KDM2A: variants seen among roughly 807,000 people sequenced by gnomAD.
The protein encoded by KDM2A is lysine demethylase 2A.
In KDM2A, 3 loss-of-function variants were observed where a neutral mutation model predicts 137.3. The observed-to-expected ratio is 0.02, with a 90% CI of 0.01 to 0.06. KDM2A has a LOEUF of 0.06. Among genes scored for constraint, KDM2A ranks in the 10% least tolerant of loss-of-function variants. The probability of loss-of-function intolerance (pLI) is 1.00; values close to 1 mark genes in which losing one functional copy is unlikely to be tolerated. For missense variants in KDM2A, 738 were observed against 1,510.6 expected, an observed-to-expected ratio of 0.49 and a Z score of 8.48; for synonymous variants, 512 against 541.5, an observed-to-expected ratio of 0.95 and a Z score of 0.76.
intron 9 of KDM2A, among the ~76,000 whole-genome samples, chr11:67,218,370 C>T (rs543747021): frequency 1.3e-5 from 2 of 152,288 alleles, no homozygotes; most frequent in African/African-American, 2.4e-5. Flanking sequence ...CTAGATACTA[C>T]GCTTAGAGCA....
chr11:67,224,161 C>T (rs556022285), intron 10 of KDM2A, among the ~76,000 whole-genome samples: 52 of 152,264 alleles, frequency 3.4e-4, no homozygotes, highest in African/African-American at 1.1e-3. Flanking sequence ...TCCAGTTCTC[C>T]GTGATTCAGG....
intron 11 of KDM2A, among the ~76,000 whole-genome samples, chr11:67,231,206 T>C (rs910879964): frequency 9.9e-5 from 15 of 152,158 alleles, no homozygotes; most frequent in Admixed American, 3.9e-4. Context: ...TAGTGTCTTC[T>C]CTTTTAAAAG....
Position 67,248,278 on chromosome 11 carries a change from T to C in KDM2A, c.1966-3T>C, listed in dbSNP as rs1158771595. On this transcript the variant is annotated splice_region_variant and splice_polypyrimidine_tract_variant and intron_variant, in intron 15 of 20. Transcript: ENST00000529006. ...TTTTAAAAACATCTCTGTCTTCCTA[T>C]AGATGGACGGAGAGGGGTTGCTTAA... 6.3e-7 allele frequency: 1 copy of C among 1,599,834 alleles called. No individual in the cohort carries two copies. Among genetic ancestry groups the C allele is most frequent in the Admixed American group, 1.7e-5 (1 of 58,374 alleles).
intron 7 of KDM2A, 166 bp downstream of exon 7, chr11:67,215,612 A>G: frequency 3.2e-6 from 2 of 621,996 alleles, no homozygotes; most frequent in South Asian, 2.0e-5. Context: ...GTATGTGAGC[A>G]TACCATAGCA....
chr11:67,123,515 T>A (rs1040312972), intron 2 of KDM2A, among the ~76,000 whole-genome samples: 1 of 152,118 alleles, frequency 6.6e-6, no homozygotes, highest in African/African-American at 2.4e-5. Context: ...AATTTAACTT[T>A]TCTTTGGGAA....
chr11:67,213,797 T>G (rs993479797), intron 6 of KDM2A, among the ~76,000 whole-genome samples: 1 of 152,100 alleles, frequency 6.6e-6, no homozygotes, highest in Non-Finnish European at 1.5e-5. Flanking sequence ...TCACATTATT[T>G]CAGATTTTAA....
intron 11 of KDM2A, among the ~76,000 whole-genome samples, chr11:67,229,986 C>T (rs1858662194): frequency 6.6e-6 from 1 of 151,988 alleles, no homozygotes; most frequent in Admixed American, 6.6e-5. Context: ...ACCATCCTGG[C>T]TAACATGGTG....
At chr11:67,154,613 T>A (rs1002719904) in intron 2 of KDM2A, among the ~76,000 whole-genome samples, 2 of 152,050 alleles carry the variant, frequency 1.3e-5, no homozygotes, top group African/African-American at 4.8e-5. Context: ...TTCTTTTTTT[T>A]TTTTAGGTAG....
Position 67,250,856 on chromosome 11 carries a change from C to T in KDM2A, c.2768+58C>T. On this transcript the variant is annotated intron_variant, in intron 17 of 20. Transcript: ENST00000529006. The surrounding 1 kb of genome is among the most constrained non-coding windows in gnomAD (Gnocchi z 7.1). ...GGTATGGGAGTAGGTGGCAGGTTTT[C>T]CATATGAGAACAGCATGCACCTTGG... is the stretch of plus-strand genomic sequence containing the variant. The T allele has an allele frequency of 7.7e-7, 1 of 1,304,810 alleles. No individual in the cohort carries two copies. Among genetic ancestry groups the T allele is most frequent in the Middle Eastern group, 2.1e-4 (1 of 4,686 alleles). 80.8% of individuals were successfully genotyped at this position (1,304,810 alleles called of 1,614,324 possible). A position where few individuals can be genotyped will look rare whatever the true frequency, so the allele number is the denominator to read the frequency against.
rs568890688 is a variant in KDM2A, at chr11:67,182,522, GAA to G, written c.307+631_307+632del. Among the ~76,000 whole-genome samples the G allele has an allele frequency of 3.8e-4, 54 of 141,648 alleles. No homozygotes were observed. In the South Asian group the frequency reaches 7.3e-3, roughly 19 times the overall value. 92.9% of individuals were successfully genotyped at this position (141,648 alleles called of 152,430 possible). Reference sequence around the variant, plus strand: ...GAGTTCAGGGATGGTCAGTAAAATTGAATAAGTCTTTTTTTTTTTTTTTTTTT... The same window carrying G: ...GAGTTCAGGGATGGTCAGTAAAATTGTAAGTCTTTTTTTTTTTTTTTTTTT... On this transcript the variant is annotated intron_variant, in intron 5 of 20. Coordinates refer to ENST00000529006, the MANE Select transcript of KDM2A (RefSeq NM_012308.3).
chr11:67,133,175 G>T (rs758183880), intron 2 of KDM2A, among the ~76,000 whole-genome samples: 12 of 151,800 alleles, frequency 7.9e-5, no homozygotes, highest in Non-Finnish European at 1.8e-4. Flanking sequence ...TCTTGGCTCA[G>T]TGCAATCTCC....
chr11:67,131,415 T>C (rs1232654937), intron 2 of KDM2A, among the ~76,000 whole-genome samples: 1 of 149,874 alleles, frequency 6.7e-6, no homozygotes, highest in Non-Finnish European at 1.5e-5. Context: ...TTCTTTTCTT[T>C]TTTTTTTTTT....
intron 2 of KDM2A, among the ~76,000 whole-genome samples, chr11:67,147,910 C>T (rs1463976316): frequency 6.6e-6 from 1 of 151,890 alleles, no homozygotes; most frequent in Non-Finnish European, 1.5e-5. Context: ...AACTCCTGAC[C>T]TCGTGATTCA....
Position 67,121,365 on chromosome 11 carries a change from A to C in KDM2A, c.42+7A>C, listed in dbSNP as rs780727557. ...TCGTTACAGCCAGAGATTGGTTAGTATTTTCTCCCCCCACCACACCCTCCA... is the reference window on the plus strand; with the variant it reads ...TCGTTACAGCCAGAGATTGGTTAGTCTTTTCTCCCCCCACCACACCCTCCA... On this transcript the variant is annotated splice_region_variant and intron_variant, in intron 2 of 20. Transcript: ENST00000529006. 6.2e-7 allele frequency: 1 copy of C among 1,612,854 alleles called. No homozygotes were observed. The highest frequency in any genetic ancestry group is 1.1e-5 in the South Asian group (1 of 91,034).
intron 5 of KDM2A, among the ~76,000 whole-genome samples, chr11:67,190,281 A>G (rs1183296698): frequency 6.6e-6 from 1 of 152,012 alleles, no homozygotes; most frequent in Non-Finnish European, 1.5e-5. Flanking sequence ...GTGGTGGTAC[A>G]TGCCTGTAAT....
intron 5 of KDM2A, among the ~76,000 whole-genome samples, chr11:67,184,877 C>A (rs1453875330): frequency 1.3e-5 from 2 of 151,866 alleles, no homozygotes; most frequent in Non-Finnish European, 2.9e-5. Context: ...ACACAAAAAA[C>A]CCTGGGGAAG....
At chr11:67,243,487 C>T (rs1859110917) in intron 13 of KDM2A, 1 of 160,678 alleles carries the variant, frequency 6.2e-6, no homozygotes, top group African/African-American at 2.4e-5. Flanking sequence ...TCAAAAATCC[C>T]CTTACCTTGG....
rs1859633036 is a variant in KDM2A, at chr11:67,256,886, TC to T, written c.*1833del. 1.3e-5 allele frequency: 2 copies of T among 152,594 alleles called. No individual in the cohort carries two copies. Among genetic ancestry groups the T allele is most frequent in the South Asian group, 4.1e-4 (2 of 4,836 alleles). 9.5% of individuals were successfully genotyped at this position (152,594 alleles called of 1,614,324 possible). On this transcript the variant is annotated 3_prime_UTR_variant, in exon 21 of 21. Transcript: ENST00000529006. ...CTGCTCCCATGACCCTCTGCCCACTTCCATTGGTCTCCAGGCCCCAATAATC... is the reference window on the plus strand; with the variant it reads ...CTGCTCCCATGACCCTCTGCCCACTTCATTGGTCTCCAGGCCCCAATAATC...
chr11:67,205,726 C>T (rs954206697), intron 5 of KDM2A, among the ~76,000 whole-genome samples: 4 of 152,100 alleles, frequency 2.6e-5, no homozygotes, highest in South Asian at 2.1e-4. Flanking sequence ...AAGCTGTCTG[C>T]CCGTCTTGAC....
Sources: gnomAD v4.1 joint callset for allele counts (sites outside exome capture counted in the v4.1 genomes callset) on GRCh38, gnomAD v4.1.1 for gene constraint, Gnocchi (gnomAD v3.1) non-coding constraint, MANE v1.5 for transcripts, NCBI Gene and HGNC (gene_info 2026-07-23, HGNC 2026-07-21) for gene names.